Variants in SMPD3 observed in about 807,000 individuals in gnomAD.
The protein encoded by SMPD3 is nSMase-2.
A neutral mutation model predicts 55.7 loss-of-function variants in SMPD3; 21 were observed. That is an observed-to-expected ratio of 0.38 (90% CI 0.27 to 0.54). SMPD3 has a LOEUF of 0.54. Among genes scored for constraint, SMPD3 ranks in the 20% least tolerant of loss-of-function variants. The probability of loss-of-function intolerance (pLI) is 0.80; values close to 1 mark genes in which losing one functional copy is unlikely to be tolerated. For synonymous variants in SMPD3, 457 were observed against 404.3 expected (o/e 1.13, Z -1.56); for missense variants, 842 against 899.6 (o/e 0.94, Z 0.82).
chr16:68,437,789 G>C (rs538799597), intron 1 of SMPD3, among the ~76,000 whole-genome samples: 3 of 152,180 alleles, frequency 2.0e-5, no homozygotes, highest in African/African-American at 7.2e-5. Flanking sequence ...CATTAGAAGC[G>C]TAGCCATGGA....
chr16:68,371,446 G>A lies in SMPD3; in HGVS notation c.736C>T (p.Arg246Cys), dbSNP rs745429340. 5.7e-6 allele frequency: 9 copies of A among 1,587,490 alleles called. No homozygotes were observed. Among genetic ancestry groups the A allele is most frequent in the East Asian group, 2.2e-5 (1 of 44,752 alleles). The change falls in exon 3 of 9, where the codon CGC becomes TGC. Residue 246 changes from arginine to cysteine, a missense_variant. Arg to Cys is a radical substitution (Grantham distance 180). Transcript: ENST00000219334. ...SSSPEDACIV[R>C]IGGEEGGRPP... ...CGGCCGCCCTCCTCGCCACCGATGCGCACGATGCAGGCATCCTCCGGGCTG... is the reference window on the plus strand; with the variant it reads ...CGGCCGCCCTCCTCGCCACCGATGCACACGATGCAGGCATCCTCCGGGCTG...
Position 68,363,395 on chromosome 16 carries a change from CATG to C in SMPD3, c.1709+98_1709+100del, listed in dbSNP as rs2089373777. 3.0e-6 allele frequency: 4 copies of C among 1,346,156 alleles called. No individual in the cohort carries two copies. In the African/African-American group the frequency reaches 5.7e-5, roughly 19 times the overall value. 83.4% of individuals were successfully genotyped at this position (1,346,156 alleles called of 1,614,324 possible). A position where few individuals can be genotyped will look rare whatever the true frequency, so the allele number is the denominator to read the frequency against. ...CAGGTTTCTGCCAAATAAAAGCCCT[CATG>C]AGCCCGAGCTGAGCTCTCCCATGTG... is the stretch of plus-strand genomic sequence containing the variant. On this transcript the variant is annotated intron_variant, in intron 7 of 8. Coordinates refer to ENST00000219334, the MANE Select transcript of SMPD3 (RefSeq NM_018667.4).
chr16:68,442,601 T>C (rs931365941), intron 1 of SMPD3, among the ~76,000 whole-genome samples: 13 of 152,182 alleles, frequency 8.5e-5, no homozygotes, highest in African/African-American at 3.1e-4. Flanking sequence ...CACTTTCTCA[T>C]ATTGGCCTAA....
intron 1 of SMPD3, among the ~76,000 whole-genome samples, chr16:68,401,129 G>C (rs568375705): frequency 6.6e-6 from 1 of 152,316 alleles, no homozygotes; most frequent in South Asian, 2.1e-4. Context: ...ATCCGTGAGT[G>C]TCAGAACTGG....
intron 2 of SMPD3, among the ~76,000 whole-genome samples, chr16:68,384,694 G>A (rs2090019051): frequency 6.6e-6 from 1 of 152,128 alleles, no homozygotes; most frequent in Admixed American, 6.5e-5. Flanking sequence ...AGGGAATGAG[G>A]GTTCTGTTTT....
chr16:68,371,977 C>T lies in SMPD3; in HGVS notation c.205G>A (p.Ala69Thr). 1 of 1,612,364 alleles carries T rather than the reference C, an allele frequency of 6.2e-7. No individual in the cohort carries two copies. The highest frequency in any genetic ancestry group is 8.5e-7 in the Non-Finnish European group (1 of 1,179,612). Residue 69 changes from alanine to threonine, a missense_variant, in exon 3 of 9, where the codon GCC (alanine) becomes ACC (threonine). Physicochemically the swap from Ala to Thr is moderately conservative, Grantham distance 58. This residue lies in a region of SMPD3 where 193 missense variants were observed against 256.0 expected (regional missense o/e 0.75). Coordinates refer to ENST00000219334, the MANE Select transcript of SMPD3 (RefSeq NM_018667.4). The part of the protein sequence containing the change: ...CTALFTPIYL[A>T]LLVASLPFAF... ...AAGGGCAGCGAGGCCACCAGGAGGG[C>T]CAGGTAGATGGGCGTGAAGAGGGCA...
rs771084252 is a variant in SMPD3 at position 68,361,192 on chromosome 16, C to A, written c.*14G>T. The A allele has an allele frequency of 2.5e-6, 4 of 1,611,212 alleles. No individual in the cohort carries two copies. The Middle Eastern group carries it at 5.0e-4, about 200-fold the overall frequency. On this transcript the variant is annotated 3_prime_UTR_variant, in exon 9 of 9. Coordinates refer to ENST00000219334, the MANE Select transcript of SMPD3 (RefSeq NM_018667.4). ...GCTGCAAGGGCTGGCAGAGGCCCCG[C>A]TGCTCCGGACGGTCTATGCCTCCTC...
At position 68,363,737 on chromosome 16, in the gene SMPD3, G is replaced by A. The variant is rs1284570102; in HGVS notation, c.1645+40C>T. ...GGTGATCTTTGAGGGAAGTCTGTGG[G>A]GAGCCCAGCTCCCATCCTCCTCCCC... On this transcript the variant is annotated intron_variant, in intron 6 of 8. Coordinates refer to ENST00000219334, the MANE Select transcript of SMPD3 (RefSeq NM_018667.4). 6 of 1,533,020 alleles carry A rather than the reference G, an allele frequency of 3.9e-6. No homozygotes were observed. In the South Asian group the frequency reaches 5.9e-5, roughly 15 times the overall value. 95.0% of individuals were successfully genotyped at this position (1,533,020 alleles called of 1,614,324 possible). A position where few individuals can be genotyped will look rare whatever the true frequency, so the allele number is the denominator to read the frequency against.
At chr16:68,425,973 G>C (rs1377920831) in intron 1 of SMPD3, among the ~76,000 whole-genome samples, 2 of 152,206 alleles carry the variant, frequency 1.3e-5, no homozygotes, top group African/African-American at 2.4e-5. Flanking sequence ...AGGGAGCACT[G>C]AGAGTGGATT....
chr16:68,415,192 C>T (rs369820750), intron 1 of SMPD3, among the ~76,000 whole-genome samples: 15 of 152,046 alleles, frequency 9.9e-5, no homozygotes, highest in African/African-American at 2.4e-4. Context: ...GGATAAAATC[C>T]CATGGGGAGA....
chr16:68,422,956 G>A (rs1273761380), intron 1 of SMPD3, among the ~76,000 whole-genome samples: 1 of 152,194 alleles, frequency 6.6e-6, no homozygotes, highest in Non-Finnish European at 1.5e-5. Flanking sequence ...GCCTGATTTA[G>A]AGGATTTTAG....
At position 68,372,391 on chromosome 16, in the gene SMPD3, C is replaced by T. The variant is rs914638268; in HGVS notation, c.-206-4G>A. Reference sequence around the variant, plus strand: ...ATGCGGAGGCCTACTGCAGACCCTGCAGAGACAAAAGTAGGGGGACTGTTT... The same window carrying T: ...ATGCGGAGGCCTACTGCAGACCCTGTAGAGACAAAAGTAGGGGGACTGTTT... On this transcript the variant is annotated splice_polypyrimidine_tract_variant and splice_region_variant and intron_variant, in intron 2 of 8. Transcript: ENST00000219334. 3.7e-5 allele frequency: 23 copies of T among 629,546 alleles called. No individual in the cohort carries two copies. Among genetic ancestry groups the T allele is most frequent in the Non-Finnish European group, 5.5e-5 (20 of 363,502 alleles). The allele number at this position is 629,546 out of a possible 1,614,324, so 39.0% of individuals were successfully genotyped here.
At chr16:68,387,241 C>G (rs567939309) in intron 1 of SMPD3, among the ~76,000 whole-genome samples, 1 of 152,176 alleles carries the variant, frequency 6.6e-6, no homozygotes, top group African/African-American at 2.4e-5. Flanking sequence ...TGGCTCCCCC[C>G]TTATCTAAGG....
intron 7 of SMPD3, 119 bp from the exon 8 acceptor site, chr16:68,361,878 G>A (rs1029307084): frequency 5.0e-6 from 7 of 1,392,326 alleles, no homozygotes; most frequent in Non-Finnish European, 6.7e-6. Context: ...GGACCAAAGC[G>A]CTGGGTTTAA....
rs374897829 is a variant in SMPD3 at position 68,361,051 on chromosome 16, G to C, written c.*155C>G. 2 of 680,658 alleles carry C rather than the reference G, an allele frequency of 2.9e-6. No homozygotes were observed. The highest frequency in any genetic ancestry group is 4.9e-6 in the Non-Finnish European group (2 of 407,738). 42.2% of individuals were successfully genotyped at this position (680,658 alleles called of 1,614,324 possible). ...GTCCACAGTGAGGCCCAGAGGCGCAGAGCAGCGCAGCTTCCAGGTTCCCGG... is the reference window on the plus strand; with the variant it reads ...GTCCACAGTGAGGCCCAGAGGCGCACAGCAGCGCAGCTTCCAGGTTCCCGG... On this transcript the variant is annotated 3_prime_UTR_variant, in exon 9 of 9. Transcript: ENST00000219334.
intron 7 of SMPD3, among the ~76,000 whole-genome samples, chr16:68,362,474 C>T (rs1465471): frequency 0.48 from 73,011 of 152,168 alleles, 18,637 homozygotes; most frequent in East Asian, 0.78. Context: ...TCCTGCCAGC[C>T]TGTCCCCTGG....
rs2089232038 is a variant in SMPD3, at chr16:68,361,071, T to TC, written c.*134dup. On this transcript the variant is annotated 3_prime_UTR_variant, in exon 9 of 9. Coordinates refer to ENST00000219334, the MANE Select transcript of SMPD3 (RefSeq NM_018667.4). ...GCGCAGAGCAGCGCAGCTTCCAGGT[T>TC]CCCGGGCACTGACTGTGGCTCCCTC... 6.5e-6 allele frequency: 5 copies of TC among 773,594 alleles called. No homozygotes were observed. The highest frequency in any genetic ancestry group is 5.4e-5 in the Admixed American group (2 of 37,296). The allele number at this position is 773,594 out of a possible 1,614,324, so 47.9% of individuals were successfully genotyped here. A position where few individuals can be genotyped will look rare whatever the true frequency, so the allele number is the denominator to read the frequency against.
chr16:68,386,775 T>TTGGTCA (rs2090059337), intron 1 of SMPD3, 116 bp from the exon 2 acceptor site: 1 of 152,304 alleles, frequency 6.6e-6, no homozygotes, highest in East Asian at 1.9e-4. Flanking sequence ...GGGCCTCACC[T>TTGGTCA]GCGGCCAGAG....
intron 1 of SMPD3, among the ~76,000 whole-genome samples, chr16:68,392,694 C>T (rs35179784): frequency 6.6e-6 from 1 of 151,992 alleles, no homozygotes; most frequent in Admixed American, 6.6e-5. Flanking sequence ...AACTCTGTTT[C>T]TACTAAAAAG....
Sources: gnomAD v4.1 joint callset for allele counts (sites outside exome capture counted in the v4.1 genomes callset) on GRCh38, gnomAD v4.1.1 for gene constraint, gnomAD v4.1.1 regional missense constraint, MANE v1.5 for transcripts, NCBI Gene and HGNC (gene_info 2026-07-23, HGNC 2026-07-21) for gene names.